SHISA9: variants seen among roughly 807,000 people sequenced by gnomAD.
The protein encoded by SHISA9 is protein shisa-9.
Under a neutral mutation model 38.0 loss-of-function variants are expected in SHISA9, and 13 were observed. That is an observed-to-expected ratio of 0.34 (90% CI 0.22 to 0.54). The LOEUF (loss-of-function observed/expected upper bound fraction) is 0.54. SHISA9 is among the 20% of genes least tolerant of loss of function. SHISA9 has a pLI of 0.91. For missense variants in SHISA9, 538 were observed against 575.8 expected (o/e 0.93, Z 0.67); for synonymous variants, 275 against 242.0 (o/e 1.14, Z -1.27).
chr16:13,156,892 A>G (rs1389080661), intron 2 of SHISA9, among the ~76,000 whole-genome samples: 1 of 152,182 alleles, frequency 6.6e-6, no homozygotes, highest in Admixed American at 6.5e-5. Flanking sequence ...TCTCCACATC[A>G]TGTGCGTCAT....
intron 2 of SHISA9, among the ~76,000 whole-genome samples, chr16:13,109,212 G>C (rs78663419): frequency 0.015 from 2,261 of 152,064 alleles, 48 homozygotes; most frequent in African/African-American, 0.05. Flanking sequence ...TTTTTTTGTA[G>C]GGATGGGTTT....
chr16:13,124,359 C>A (rs560100777), intron 2 of SHISA9, among the ~76,000 whole-genome samples: 1 of 152,134 alleles, frequency 6.6e-6, no homozygotes, highest in African/African-American at 2.4e-5. Context: ...TGCCATCTTA[C>A]CAAACATATT....
At position 13,068,833 on chromosome 16, in the gene SHISA9, T is replaced by C. The variant is rs2073465728; in HGVS notation, c.692-134561T>C. ...CATGCAATGTGTGTATGTGTACTTA[T>C]GCATGTATGTGTATATATATGCATA... On this transcript the variant is annotated intron_variant, in intron 2 of 4. Transcript: ENST00000558583. Among the ~76,000 whole-genome samples the C allele has an allele frequency of 3.3e-5, 5 of 151,946 alleles. No individual in the cohort carries two copies. The South Asian group carries it at 1.0e-3, about 31-fold the overall frequency.
At chr16:12,968,189 CAAAAAAAA>C (rs200194973) in intron 2 of SHISA9, among the ~76,000 whole-genome samples, 16 of 82,040 alleles carry the variant, frequency 2.0e-4, no homozygotes, top group Non-Finnish European at 2.7e-4. Flanking sequence ...GGCTCCATCT[CAAAAAAAA>C]AAAAAAAAAA....
the SHISA9 span, among the ~76,000 whole-genome samples, chr16:13,273,193 A>G: frequency 6.6e-6 from 1 of 151,794 alleles, no homozygotes; most frequent in African/African-American, 2.4e-5. Context: ...CATTCCCCTT[A>G]CACCAATGCA....
chr16:12,902,729 C>G, intron 1 of SHISA9, 102 bp downstream of exon 1: 1 of 1,227,604 alleles, frequency 8.1e-7, no homozygotes, highest in Non-Finnish European at 1.1e-6. Context: ...TCCCCGCTCC[C>G]CGCATCCCAG....
the SHISA9 span, among the ~76,000 whole-genome samples, chr16:13,281,719 T>C: frequency 2.0e-5 from 3 of 151,740 alleles, no homozygotes; most frequent in African/African-American, 7.2e-5. Flanking sequence ...TTAGAGTTTA[T>C]ATGGAATCAT....
chr16:13,125,596 T>G (rs1312590940), intron 2 of SHISA9, among the ~76,000 whole-genome samples: 1 of 152,248 alleles, frequency 6.6e-6, no homozygotes, highest in East Asian at 1.9e-4. Flanking sequence ...GTCTACAATT[T>G]GATCAACAAT....
the SHISA9 span, among the ~76,000 whole-genome samples, chr16:13,404,131 G>C: frequency 6.6e-6 from 1 of 152,112 alleles, no homozygotes; most frequent in Admixed American, 6.6e-5. Flanking sequence ...TTTTAATTAT[G>C]TGATCCCCCA....
intron 2 of SHISA9, among the ~76,000 whole-genome samples, chr16:13,003,550 A>G (rs1454458212): frequency 6.6e-6 from 1 of 152,152 alleles, no homozygotes. Flanking sequence ...AACCACCACT[A>G]ACGACAGCAA....
the SHISA9 span, among the ~76,000 whole-genome samples, chr16:13,553,086 T>C: frequency 6.6e-6 from 1 of 152,108 alleles, no homozygotes; most frequent in East Asian, 1.9e-4. Flanking sequence ...CATTGCCAAA[T>C]GACCCCTGGG....
intron 2 of SHISA9, among the ~76,000 whole-genome samples, chr16:13,121,914 A>G (rs1381314188): frequency 6.6e-6 from 1 of 150,688 alleles, no homozygotes; most frequent in Non-Finnish European, 1.5e-5. Context: ...CATAATTAGC[A>G]TTCTTCCCTC....
chr16:13,402,608 T>C, the SHISA9 span, among the ~76,000 whole-genome samples: 2 of 148,464 alleles, frequency 1.3e-5, no homozygotes, highest in South Asian at 2.2e-4. Context: ...ACCTCCCGGG[T>C]TGAAGCAATT....
In SHISA9 at chr16:12,916,591, C is replaced by A. The variant is rs912207253; in HGVS notation, c.564-97C>A. ...TAGAATGGTGGCTCCATGGAGTAAT[C>A]CGCCTTGCCATTTGTTCGCGACTGC... is the stretch of plus-strand genomic sequence containing the variant. On this transcript the variant is annotated intron_variant, in intron 1 of 4. Coordinates refer to ENST00000558583, the MANE Select transcript of SHISA9 (RefSeq NM_001145204.3). 8 of 1,388,334 alleles carry A rather than the reference C, an allele frequency of 5.8e-6. No individual in the cohort carries two copies. In the African/African-American group the frequency reaches 1.2e-4, roughly 20 times the overall value. 86.0% of individuals were successfully genotyped at this position (1,388,334 alleles called of 1,614,324 possible). A position where few individuals can be genotyped will look rare whatever the true frequency, so the allele number is the denominator to read the frequency against.
chr16:13,478,892 G>A, the SHISA9 span, among the ~76,000 whole-genome samples: 1 of 152,168 alleles, frequency 6.6e-6, no homozygotes, highest in Non-Finnish European at 1.5e-5. Flanking sequence ...CACCATTAGT[G>A]CATCTGATGT....
the SHISA9 span, among the ~76,000 whole-genome samples, chr16:13,400,683 A>G: frequency 6.6e-6 from 1 of 152,160 alleles, no homozygotes; most frequent in Admixed American, 6.5e-5. Context: ...GATTCATTCC[A>G]ATAACCCTGA....
intron 2 of SHISA9, among the ~76,000 whole-genome samples, chr16:13,090,933 C>G (rs972547376): frequency 1.3e-5 from 2 of 152,118 alleles, no homozygotes; most frequent in South Asian, 4.1e-4. Flanking sequence ...GTGGCTGGTA[C>G]CAGTTGTTTC....
At chr16:13,519,184 T>C in the SHISA9 span, among the ~76,000 whole-genome samples, 1 of 152,186 alleles carries the variant, frequency 6.6e-6, no homozygotes, top group African/African-American at 2.4e-5. Flanking sequence ...ATTTGATGAG[T>C]ATTAAGAATA....
the SHISA9 span, among the ~76,000 whole-genome samples, chr16:13,562,408 T>A: frequency 6.6e-6 from 1 of 152,092 alleles, no homozygotes; most frequent in African/African-American, 2.4e-5. Flanking sequence ...GGCAGGCAGA[T>A]CACCTGAGGT....
Sources: allele counts gnomAD v4.1 joint callset (sites outside exome capture counted in the v4.1 genomes callset), GRCh38; gene constraint gnomAD v4.1.1; transcripts MANE v1.5; gene names NCBI Gene and HGNC (gene_info 2026-07-23, HGNC 2026-07-21).